Variants in IL23R observed in about 807,000 individuals in gnomAD.
The protein encoded by IL23R is interleukin 23 receptor, also known as interleukin-23 receptor.
A neutral mutation model predicts 56.9 loss-of-function variants in IL23R; 34 were observed. The observed-to-expected ratio is 0.60, with a 90% CI of 0.45 to 0.80. The LOEUF is 0.80. Among genes scored for constraint, IL23R ranks in the 30% least tolerant of loss-of-function variants. The pLI is 0.00. For synonymous variants in IL23R, 230 were observed against 249.2 expected, an observed-to-expected ratio of 0.92 and a Z score of 0.73; for missense variants, 635 against 730.0, an observed-to-expected ratio of 0.87 and a Z score of 1.50.
In IL23R at chr1:67,258,547, A is replaced by G; in HGVS notation, c.1309A>G (p.Ile437Val). 3 of 1,608,848 alleles carry G rather than the reference A, an allele frequency of 1.9e-6. No individual in the cohort carries two copies. The highest frequency in any genetic ancestry group is 2.2e-5 in the South Asian group (2 of 90,050). ...VLYVDPMITE[I>V]KEIFIPEHKP... Reference sequence around the variant, plus strand: ...ATATGTTGATCCCATGATTACAGAGATAAAAGAAATCTTCATCCCAGAACA... The same window carrying G: ...ATATGTTGATCCCATGATTACAGAGGTAAAAGAAATCTTCATCCCAGAACA... Residue 437 changes from isoleucine to valine, a missense_variant, in exon 11 of 11, where the codon ATA becomes GTA. Ile to Val is a conservative substitution (Grantham distance 29). Transcript: ENST00000347310.
At chr1:67,249,680 C>T (rs1301649406) in intron 9 of IL23R, among the ~76,000 whole-genome samples, 2 of 151,978 alleles carry the variant, frequency 1.3e-5, no homozygotes, top group African/African-American at 4.8e-5. Context: ...TCCTATTTAC[C>T]TCTCCTTTGG....
chr1:67,149,068 A>ATAT (rs1646706509), intron 1 of IL23R, among the ~76,000 whole-genome samples: 1 of 152,142 alleles, frequency 6.6e-6, no homozygotes, highest in South Asian at 2.1e-4. Context: ...ATAATAACCT[A>ATAT]ACTGATATAC....
At chr1:67,177,476 T>C (rs922455646) in intron 3 of IL23R, among the ~76,000 whole-genome samples, 14 of 152,098 alleles carry the variant, frequency 9.2e-5, no homozygotes, top group Admixed American at 3.9e-4. Flanking sequence ...TTTGTTTTTT[T>C]CTTGTAAATT....
intron 6 of IL23R, among the ~76,000 whole-genome samples, chr1:67,215,356 C>T (rs1175213808): frequency 6.6e-6 from 1 of 152,230 alleles, no homozygotes; most frequent in East Asian, 1.9e-4. Context: ...TGCAGCTCAG[C>T]TGGCTCACTC....
chr1:67,240,064 C>A, intron 8 of IL23R, 115 bp from the exon 9 acceptor site: 2 of 792,266 alleles, frequency 2.5e-6, no homozygotes, highest in South Asian at 2.9e-5. Flanking sequence ...ATTTTGCTTC[C>A]CCCCACCCTT....
chr1:67,163,409 C>A (rs1312725127), upstream of IL23R, among the ~76,000 whole-genome samples: 1 of 121,206 alleles, frequency 8.3e-6, no homozygotes, highest in Non-Finnish European at 1.6e-5. Flanking sequence ...GCAGAGGTTG[C>A]AGTGACCAGA....
chr1:67,264,752 C>T (rs1653293277), downstream of IL23R, among the ~76,000 whole-genome samples: 1 of 152,230 alleles, frequency 6.6e-6, no homozygotes, highest in Non-Finnish European at 1.5e-5. Flanking sequence ...GATAACCACA[C>T]TGCACCTTTT....
chr1:67,241,834 A>G (rs1651872952), intron 9 of IL23R, among the ~76,000 whole-genome samples: 1 of 152,190 alleles, frequency 6.6e-6, no homozygotes, highest in South Asian at 2.1e-4. Flanking sequence ...CAAACCATCT[A>G]AAAATCAAAT....
chr1:67,238,455 C>A (rs1397622098), intron 8 of IL23R, among the ~76,000 whole-genome samples: 13 of 152,004 alleles, frequency 8.6e-5, no homozygotes, highest in African/African-American at 3.1e-4. Flanking sequence ...AGTACAGTTC[C>A]CTAATTATAG....
chr1:67,177,792 T>C (rs1045367826), intron 3 of IL23R, among the ~76,000 whole-genome samples: 223 of 151,388 alleles, frequency 1.5e-3, no homozygotes, highest in Admixed American at 4.1e-3. Context: ...AGTTAATTTT[T>C]GTATAAGGTG....
chr1:67,178,504 T>G (rs1647043925), intron 3 of IL23R, among the ~76,000 whole-genome samples: 1 of 152,228 alleles, frequency 6.6e-6, no homozygotes, highest in South Asian at 2.1e-4. Context: ...CCTATCAGCT[T>G]AAGGAGATTT....
Position 67,169,568 on chromosome 1 carries a change from G to GTAC in IL23R, c.299_301dup (p.Tyr100dup). ...ACTTTCTGGAACCACATGCTTCTAT[G>GTAC]TACTGCACTGCTGAATGTCCCAAAC... On this transcript the variant is annotated inframe_insertion, in exon 3 of 11. Transcript: ENST00000347310. The GTAC allele has an allele frequency of 6.2e-7, 1 of 1,614,004 alleles. No homozygotes were observed. Among genetic ancestry groups the GTAC allele is most frequent in the East Asian group, 2.2e-5 (1 of 44,872 alleles).
At chr1:67,143,011 G>C (rs759953176) in intron 1 of IL23R, among the ~76,000 whole-genome samples, 1 of 152,166 alleles carries the variant, frequency 6.6e-6, no homozygotes, top group Non-Finnish European at 1.5e-5. Flanking sequence ...TTCTCAGAGA[G>C]ATTAAATAAC....
intron 1 of IL23R, among the ~76,000 whole-genome samples, chr1:67,157,466 A>G (rs1438597231): frequency 6.6e-6 from 1 of 151,258 alleles, no homozygotes; most frequent in African/African-American, 2.4e-5. Flanking sequence ...CTCAACCATC[A>G]AAAGAGCTTC....
intron 6 of IL23R, among the ~76,000 whole-genome samples, chr1:67,211,893 T>C (rs561639776): frequency 2.7e-4 from 41 of 152,320 alleles, no homozygotes; most frequent in African/African-American, 9.6e-4. Flanking sequence ...GAAAGAATAT[T>C]TGTTATCTCA....
Position 67,156,899 on chromosome 1 carries a change from C to A in IL23R, c.-633-11193C>A, listed in dbSNP as rs140390874. Among the ~76,000 whole-genome samples the A allele has an allele frequency of 1.4e-3, 208 of 152,210 alleles. 2 individuals carry two copies. The highest frequency in any genetic ancestry group is 0.01 in the Middle Eastern group (3 of 294). ...GCAGCTCAGTTCCTGCTCAAACAGC[C>A]GCCAAGTTTTGTGCCTGAAACCCAG... On this transcript the variant is annotated intron_variant, in intron 1 of 10. Transcript: ENST00000637002.
intron 6 of IL23R, 158 bp from the exon 7 acceptor site, chr1:67,219,416 T>C (rs1558249860): frequency 3.0e-6 from 2 of 668,250 alleles, no homozygotes; most frequent in Non-Finnish European, 5.1e-6. Context: ...GAGACAGTAT[T>C]TGATTATGTA....
intron 4 of IL23R, among the ~76,000 whole-genome samples, chr1:67,198,607 C>G (rs1055183798): frequency 2.6e-5 from 4 of 152,182 alleles, no homozygotes; most frequent in African/African-American, 4.8e-5. Flanking sequence ...GACTCCCTTT[C>G]CCCTCATCAA....
At chr1:67,180,000 C>CT (rs1213102998) in intron 3 of IL23R, among the ~76,000 whole-genome samples, 2 of 152,112 alleles carry the variant, frequency 1.3e-5, no homozygotes, top group Non-Finnish European at 2.9e-5. Context: ...GTTAGAATTT[C>CT]TGTTTTTTTA....
Sources: gnomAD v4.1 joint callset for allele counts (sites outside exome capture counted in the v4.1 genomes callset) on GRCh38, gnomAD v4.1.1 for gene constraint, MANE v1.5 for transcripts, NCBI Gene and HGNC (gene_info 2026-07-23, HGNC 2026-07-21) for gene names.